The following NEMP2 variants were observed in gnomAD, a reference collection of about 807,000 sequenced individuals.
NEMP2 encodes the protein UPF0571 transmembrane protein.
Under a neutral mutation model 54.2 loss-of-function variants are expected in NEMP2, and 53 were observed. The observed-to-expected ratio is 0.98, with a 90% CI of 0.78 to 1.23. The LOEUF is 1.23. Ranked by LOEUF, NEMP2 falls within the 50% of genes most tolerant of loss-of-function variation. The probability of loss-of-function intolerance (pLI) is 0.00; values close to 1 mark genes in which losing one functional copy is unlikely to be tolerated. For missense variants in NEMP2, 455 were observed against 511.3 expected, an observed-to-expected ratio of 0.89 and a Z score of 1.06; for synonymous variants, 197 against 190.3, an observed-to-expected ratio of 1.04 and a Z score of -0.29.
the NEMP2 span, among the ~76,000 whole-genome samples, chr2:190,540,508 G>A: frequency 6.6e-6 from 1 of 152,054 alleles, no homozygotes; most frequent in Non-Finnish European, 1.5e-5. Flanking sequence ...CAGGCTCCTT[G>A]AGTTACTCCT....
chr2:190,630,478 A>C, the NEMP2 span, among the ~76,000 whole-genome samples: 13 of 152,084 alleles, frequency 8.5e-5, no homozygotes, highest in African/African-American at 2.9e-4. The surrounding 1 kb of genome is among the most constrained non-coding windows in gnomAD (Gnocchi z 5.5). Flanking sequence ...AGCCTCCCAA[A>C]GTGCTGGGAT....
the NEMP2 span, among the ~76,000 whole-genome samples, chr2:190,471,973 C>G: frequency 0.15 from 22,283 of 152,210 alleles, 1,847 homozygotes; most frequent in Middle Eastern, 0.22. This position sits in a 1 kb window ranked among gnomAD's most constrained non-coding sequence, Gnocchi z 4.7. Context: ...GATACCCAGG[C>G]AAACAGGGTC....
chr2:190,547,976 G>A, the NEMP2 span, among the ~76,000 whole-genome samples: 2 of 152,246 alleles, frequency 1.3e-5, no homozygotes, highest in Non-Finnish European at 2.9e-5. This position sits in a 1 kb window ranked among gnomAD's most constrained non-coding sequence, Gnocchi z 6.2. Context: ...GGTGGAAAGA[G>A]CAGTGACTAA....
At chr2:190,648,324 A>G in the NEMP2 span, 1 of 152,258 alleles carries the variant, frequency 6.6e-6, no homozygotes, top group Non-Finnish European at 1.5e-5. Flanking sequence ...AGGGGGCAAG[A>G]TGGGCGAGGC....
the NEMP2 span, among the ~76,000 whole-genome samples, chr2:190,499,104 C>T: frequency 2.6e-5 from 4 of 152,120 alleles, no homozygotes; most frequent in African/African-American, 9.7e-5. The surrounding 1 kb of genome is among the most constrained non-coding windows in gnomAD (Gnocchi z 6.0). Flanking sequence ...GCCAAGGTCA[C>T]GCCACTGCAC....
chr2:190,524,974 A>G (rs1397196130), intron 2 of NEMP2, among the ~76,000 whole-genome samples: 1 of 152,244 alleles, frequency 6.6e-6, no homozygotes, highest in Admixed American at 6.5e-5. Context: ...TAGGAGGAAC[A>G]TGTTGTCTTA....
At chr2:190,517,204 C>T (rs1173929667) in intron 5 of NEMP2, among the ~76,000 whole-genome samples, 4 of 151,502 alleles carry the variant, frequency 2.6e-5, no homozygotes, top group African/African-American at 9.7e-5. Flanking sequence ...TCATGAGATT[C>T]CCAGCTCTAT....
the NEMP2 span, among the ~76,000 whole-genome samples, chr2:190,617,451 AAT>A: frequency 6.6e-6 from 1 of 152,218 alleles, no homozygotes; most frequent in African/African-American, 2.4e-5. The surrounding 1 kb of genome is among the most constrained non-coding windows in gnomAD (Gnocchi z 5.0). Flanking sequence ...CTCATTAAAG[AAT>A]ACCAGGATTT....
the NEMP2 span, among the ~76,000 whole-genome samples, chr2:190,572,833 G>GTTTATATATTTATATA: frequency 2.1e-5 from 1 of 47,862 alleles, no homozygotes; most frequent in Admixed American, 2.6e-4. Flanking sequence ...CTTTTCATGA[G>GTTTATATATTTATATA]TATATATATA....
chr2:190,609,752 A>T, the NEMP2 span: 1 of 152,200 alleles, frequency 6.6e-6, no homozygotes, highest in Non-Finnish European at 1.5e-5. The surrounding 1 kb of genome is among the most constrained non-coding windows in gnomAD (Gnocchi z 4.7). Flanking sequence ...TCACAAGATC[A>T]TAGGGATATG....
the NEMP2 span, among the ~76,000 whole-genome samples, chr2:190,638,792 C>T: frequency 6.6e-6 from 1 of 152,100 alleles, no homozygotes; most frequent in South Asian, 2.1e-4. This position sits in a 1 kb window ranked among gnomAD's most constrained non-coding sequence, Gnocchi z 5.7. Context: ...GAAAGAACTG[C>T]AGTCTCAGAG....
In NEMP2 at chr2:190,533,394, T is replaced by C. The variant is rs542314699; in HGVS notation, c.97+1165A>G. 6.6e-6 allele frequency among the ~76,000 whole-genome samples: 1 copy of C among 152,356 alleles called. No homozygotes were observed. Among genetic ancestry groups the C allele is most frequent in the Admixed American group, 6.5e-5 (1 of 15,310 alleles). Reference sequence around the variant, plus strand: ...TCTCATCTGTAAAATGGGTATAAAATGGTGCTTTCCCGCATAGGGCTTCTA... The same window carrying C: ...TCTCATCTGTAAAATGGGTATAAAACGGTGCTTTCCCGCATAGGGCTTCTA... On this transcript the variant is annotated intron_variant, in intron 1 of 8. Transcript: ENST00000409150. This position sits in a 1 kb window ranked among gnomAD's most constrained non-coding sequence, Gnocchi z 4.3.
chr2:190,574,531 TCA>T, the NEMP2 span, among the ~76,000 whole-genome samples: 2,500 of 152,244 alleles, frequency 0.016, 73 homozygotes, highest in African/African-American at 0.056. Context: ...TTTAATATAT[TCA>T]CAGAGTTGTG....
the NEMP2 span, among the ~76,000 whole-genome samples, chr2:190,554,924 G>A: frequency 1.3e-5 from 2 of 152,190 alleles, no homozygotes; most frequent in South Asian, 2.1e-4. The surrounding 1 kb of genome is among the most constrained non-coding windows in gnomAD (Gnocchi z 5.7). Flanking sequence ...CTGGCAACTC[G>A]TGGGTGCCCC....
At chr2:190,473,154 G>A in the NEMP2 span, among the ~76,000 whole-genome samples, 13 of 152,226 alleles carry the variant, frequency 8.5e-5, no homozygotes, top group South Asian at 2.1e-3. Context: ...AAAGACCATC[G>A]AGGCTAGGAA....
At chr2:190,436,995 T>C in the NEMP2 span, 1 of 1,614,158 alleles carries the variant, frequency 6.2e-7, no homozygotes, top group African/African-American at 1.3e-5. This position sits in a 1 kb window ranked among gnomAD's most constrained non-coding sequence, Gnocchi z 5.3. Flanking sequence ...AACACAGAGA[T>C]CGCTATGGGT....
At chr2:190,421,793 C>G in the NEMP2 span, among the ~76,000 whole-genome samples, 5 of 152,072 alleles carry the variant, frequency 3.3e-5, no homozygotes, top group African/African-American at 4.8e-5. Flanking sequence ...TTAATTGATC[C>G]TCTTGCCTTG....
chr2:190,469,856 G>A, the NEMP2 span: 1 of 1,585,332 alleles, frequency 6.3e-7, no homozygotes, highest in Non-Finnish European at 8.6e-7. This position sits in a 1 kb window ranked among gnomAD's most constrained non-coding sequence, Gnocchi z 5.3. Flanking sequence ...GTTCTTCAAG[G>A]TAAGTTAACA....
At chr2:190,473,775 C>A in the NEMP2 span, among the ~76,000 whole-genome samples, 2 of 152,186 alleles carry the variant, frequency 1.3e-5, no homozygotes. Flanking sequence ...ACATTCTTTT[C>A]AGCACCACAC....
Sources: allele counts gnomAD v4.1 joint callset (sites outside exome capture counted in the v4.1 genomes callset), GRCh38; gene constraint gnomAD v4.1.1; non-coding constraint Gnocchi (gnomAD v3.1); transcripts MANE v1.5; gene names NCBI Gene and HGNC (gene_info 2026-07-23, HGNC 2026-07-21).